Variants in ROR1 observed in about 807,000 individuals in gnomAD.
ROR1 encodes the protein ROR family WNT receptor 1, also known as inactive tyrosine-protein kinase transmembrane receptor ROR1.
A neutral mutation model predicts 78.8 loss-of-function variants in ROR1; 19 were observed. The ratio of observed to expected loss-of-function variants is 0.24; its 90% CI spans 0.17 to 0.35. ROR1 has a LOEUF of 0.35. ROR1 is among the 10% of genes least tolerant of loss of function. The probability of loss-of-function intolerance (pLI) is 1.00; values close to 1 mark genes in which losing one functional copy is unlikely to be tolerated. For missense variants in ROR1, 917 were observed against 1,177.8 expected (o/e 0.78, Z 3.24); for synonymous variants, 386 against 433.6 (o/e 0.89, Z 1.36).
At chr1:64,126,524 G>A (rs1336474598) in intron 4 of ROR1, among the ~76,000 whole-genome samples, 1 of 152,126 alleles carries the variant, frequency 6.6e-6, no homozygotes, top group Non-Finnish European at 1.5e-5. Context: ...TTACACTAGA[G>A]TAACCATAAA....
At chr1:63,833,657 T>C (rs1033191877) in intron 1 of ROR1, among the ~76,000 whole-genome samples, 1 of 151,974 alleles carries the variant, frequency 6.6e-6, no homozygotes, top group African/African-American at 2.4e-5. Context: ...ATCTATAAAG[T>C]TCCTTTTCAT....
At chr1:64,028,343 T>C (rs1646631022) in intron 2 of ROR1, among the ~76,000 whole-genome samples, 2 of 152,178 alleles carry the variant, frequency 1.3e-5, no homozygotes, top group East Asian at 3.9e-4. Context: ...GGGCACATAA[T>C]AGGTTTGGGG....
At chr1:64,110,405 G>A (rs1042985856) in intron 4 of ROR1, among the ~76,000 whole-genome samples, 6 of 152,104 alleles carry the variant, frequency 3.9e-5, no homozygotes, top group Non-Finnish European at 8.8e-5. Context: ...AGGTCACACA[G>A]CCTATCAGAT....
At chr1:64,166,789 C>T (rs1020222108) in intron 8 of ROR1, among the ~76,000 whole-genome samples, 12 of 152,278 alleles carry the variant, frequency 7.9e-5, no homozygotes, top group African/African-American at 1.9e-4. Flanking sequence ...ACACCCTGCT[C>T]ACATCCTGGA....
At chr1:63,860,314 T>C (rs909640140) in intron 1 of ROR1, among the ~76,000 whole-genome samples, 4 of 152,098 alleles carry the variant, frequency 2.6e-5, no homozygotes, top group Non-Finnish European at 5.9e-5. Context: ...TAAGGAGAAA[T>C]GCTCAATAGA....
chr1:64,157,137 C>T (rs993200398), intron 7 of ROR1, among the ~76,000 whole-genome samples: 4 of 151,882 alleles, frequency 2.6e-5, no homozygotes, highest in African/African-American at 4.8e-5. Context: ...ATTAAAATTG[C>T]GTTTTGTTTT....
intron 1 of ROR1, among the ~76,000 whole-genome samples, chr1:63,986,176 G>T (rs1646250508): frequency 6.6e-6 from 1 of 152,160 alleles, no homozygotes; most frequent in African/African-American, 2.4e-5. Context: ...AGGGAATGAT[G>T]TCTGCTTAGA....
chr1:63,915,210 C>T (rs1645599966), intron 1 of ROR1, among the ~76,000 whole-genome samples: 1 of 152,194 alleles, frequency 6.6e-6, no homozygotes, highest in African/African-American at 2.4e-5. Flanking sequence ...CTGACTCCAC[C>T]ATCTCAACCC....
intron 4 of ROR1, among the ~76,000 whole-genome samples, chr1:64,054,560 A>T (rs541257736): frequency 2.0e-5 from 3 of 152,360 alleles, no homozygotes; most frequent in African/African-American, 7.2e-5. Flanking sequence ...AAATGAACTA[A>T]GAATTATACA....
chr1:64,030,923 A>G (rs1266254660), intron 2 of ROR1, among the ~76,000 whole-genome samples: 2 of 151,938 alleles, frequency 1.3e-5, no homozygotes, highest in African/African-American at 4.8e-5. Context: ...ACAGGATCTC[A>G]CTCTTCGCCC....
chr1:64,116,957 C>G (rs191758969), intron 4 of ROR1, among the ~76,000 whole-genome samples: 4 of 152,106 alleles, frequency 2.6e-5, no homozygotes, highest in East Asian at 1.9e-4. Context: ...TATCTTGTCT[C>G]TCCAGAAACG....
intron 1 of ROR1, among the ~76,000 whole-genome samples, chr1:63,994,987 C>A (rs1490220588): frequency 3.3e-5 from 5 of 152,174 alleles, no homozygotes; most frequent in African/African-American, 9.7e-5. Flanking sequence ...ATGGGCAGAT[C>A]TTTGGCAAAT....
At chr1:63,971,864 C>T (rs1646122139) in intron 1 of ROR1, among the ~76,000 whole-genome samples, 1 of 152,166 alleles carries the variant, frequency 6.6e-6, no homozygotes, top group South Asian at 2.1e-4. Flanking sequence ...CTCGGTCTTG[C>T]TCATGCCAGC....
At chr1:63,977,233 G>A (rs538957744) in intron 1 of ROR1, among the ~76,000 whole-genome samples, 1 of 152,268 alleles carries the variant, frequency 6.6e-6, no homozygotes, top group South Asian at 2.1e-4. Flanking sequence ...TGAGATTTGG[G>A]TGAGGACACA....
intron 4 of ROR1, among the ~76,000 whole-genome samples, chr1:64,073,385 G>A (rs1320984582): frequency 6.6e-6 from 1 of 152,188 alleles, no homozygotes; most frequent in African/African-American, 2.4e-5. Context: ...GTAAGGCTTT[G>A]AAGGCACAGG....
intron 1 of ROR1, among the ~76,000 whole-genome samples, chr1:63,818,145 C>T (rs1233428058): frequency 6.6e-6 from 1 of 152,110 alleles, no homozygotes; most frequent in Non-Finnish European, 1.5e-5. Flanking sequence ...GGGGTTAGAA[C>T]CCAGTTCTGT....
chr1:63,892,640 A>T lies in ROR1; in HGVS notation c.92-116665A>T, dbSNP rs557749088. ...TGAAACCCAGTATTTTTTTTCTTAC[A>T]GTAAAACCCATGCTTATGGAAGTCC... On this transcript the variant is annotated intron_variant, in intron 1 of 8. Coordinates refer to ENST00000371079, the MANE Select transcript of ROR1 (RefSeq NM_005012.4). 1.4e-4 allele frequency among the ~76,000 whole-genome samples: 21 copies of T among 152,290 alleles called. No individual in the cohort carries two copies. In the East Asian group the frequency reaches 3.9e-3, roughly 28 times the overall value.
intron 1 of ROR1, among the ~76,000 whole-genome samples, chr1:63,809,485 C>T (rs1390121481): frequency 1.3e-5 from 2 of 152,184 alleles, no homozygotes; most frequent in Non-Finnish European, 2.9e-5. Flanking sequence ...TTTAAATTAG[C>T]ATCTTGTGTA....
At chr1:63,805,893 C>T (rs950506061) in intron 1 of ROR1, among the ~76,000 whole-genome samples, 1 of 152,162 alleles carries the variant, frequency 6.6e-6, no homozygotes, top group African/African-American at 2.4e-5. Flanking sequence ...GTGGAATGCA[C>T]CTGTAGTCCC....
Sources: allele counts gnomAD v4.1 joint callset (sites outside exome capture counted in the v4.1 genomes callset), GRCh38; gene constraint gnomAD v4.1.1; transcripts MANE v1.5; gene names NCBI Gene and HGNC (gene_info 2026-07-23, HGNC 2026-07-21).